Variants in PTPRM observed in about 807,000 individuals in gnomAD.
The protein encoded by PTPRM is protein tyrosine phosphatase receptor type M.
PTPRM carries 47 observed loss-of-function variants against 186.7 expected under a neutral mutation model. The ratio of observed to expected loss-of-function variants is 0.25; its 90% CI spans 0.20 to 0.32. PTPRM has a LOEUF of 0.32. Among genes scored for constraint, PTPRM ranks in the 10% least tolerant of loss-of-function variants. PTPRM has a pLI of 1.00. For synonymous variants in PTPRM, 668 were observed against 674.9 expected, an observed-to-expected ratio of 0.99 and a Z score of 0.16; for missense variants, 1,494 against 1,865.0, an observed-to-expected ratio of 0.80 and a Z score of 3.66.
chr18:7,929,528 T>C (rs527695583), intron 5 of PTPRM, among the ~76,000 whole-genome samples: 9 of 152,320 alleles, frequency 5.9e-5, no homozygotes, highest in Non-Finnish European at 1.3e-4. Context: ...ATCAGGACAC[T>C]ATTTGGTTAG....
Position 7,567,881 on chromosome 18 carries a change from G to A in PTPRM, c.63G>A (p.Glu21=). 6.4e-7 allele frequency: 1 copy of A among 1,560,556 alleles called. No individual in the cohort carries two copies. The change falls in exon 1 of 33, where the codon GAG becomes GAA. Residue 21 remains glutamate, a synonymous_variant. Transcript: ENST00000580170. The surrounding 1 kb of genome is among the most constrained non-coding windows in gnomAD (Gnocchi z 4.3). Reference sequence around the variant, plus strand: ...GACTTTTGCTAACTGCGGCGGGCGAGACGTTCTCAGGTAAGCGGGACCGCC... The same window carrying A: ...GACTTTTGCTAACTGCGGCGGGCGAAACGTTCTCAGGTAAGCGGGACCGCC... ...LAGLLLTAAG[E]TFSGGCLFDE... is the part of the protein sequence containing the mutation.
chr18:7,924,686 A>C (rs1211771487), intron 4 of PTPRM, among the ~76,000 whole-genome samples: 1 of 152,182 alleles, frequency 6.6e-6, no homozygotes, highest in Non-Finnish European at 1.5e-5. Flanking sequence ...TGAGGCAATA[A>C]CATCAAGTTC....
Position 8,170,247 on chromosome 18 carries a change from G to T in PTPRM, c.2300+26468G>T, listed in dbSNP as rs145471599. On this transcript the variant is annotated intron_variant, in intron 14 of 32. Coordinates refer to ENST00000580170, the MANE Select transcript of PTPRM (RefSeq NM_001105244.2). ...GTATTTTTCTGGTACAGCTAGGTGG[G>T]CTCTTTTAAGACAGAAGTCTTAATC... 6.3e-3 allele frequency among the ~76,000 whole-genome samples: 954 copies of T among 152,220 alleles called. 4 individuals carry two copies. The highest frequency in any genetic ancestry group is 0.027 in the Middle Eastern group (8 of 292).
chr18:8,067,355 A>G (rs377723491), intron 7 of PTPRM, among the ~76,000 whole-genome samples: 1 of 152,166 alleles, frequency 6.6e-6, no homozygotes, highest in Non-Finnish European at 1.5e-5. Flanking sequence ...AGTCTAGGGA[A>G]AAAAACCTTC....
rs531616488 is a variant in PTPRM at position 8,378,445 on chromosome 18, C to T, written c.3612+31C>T. Reference sequence around the variant, plus strand: ...TGATGCCTAAGGGAGGGGCACTGCACGGTGACTTGCTCCTCAAGAAGGATT... The same window carrying T: ...TGATGCCTAAGGGAGGGGCACTGCATGGTGACTTGCTCCTCAAGAAGGATT... On this transcript the variant is annotated intron_variant, in intron 27 of 32. Coordinates refer to ENST00000580170, the MANE Select transcript of PTPRM (RefSeq NM_001105244.2). 4.9e-5 allele frequency: 78 copies of T among 1,607,646 alleles called. 1 individual carries two copies. In the East Asian group the frequency reaches 8.9e-4, roughly 18 times the overall value.
chr18:8,243,781 A>G (rs932166099), intron 14 of PTPRM, among the ~76,000 whole-genome samples: 1 of 152,202 alleles, frequency 6.6e-6, no homozygotes, highest in Admixed American at 6.5e-5. Context: ...CTAGCTTATA[A>G]TAGGAGAAAC....
At chr18:8,366,114 G>T (rs1411489051) in intron 23 of PTPRM, among the ~76,000 whole-genome samples, 2 of 152,182 alleles carry the variant, frequency 1.3e-5, no homozygotes, top group Non-Finnish European at 2.9e-5. Context: ...TGATTCTAAT[G>T]TGCAGGCAAA....
chr18:7,594,571 A>G (rs1314086103), intron 1 of PTPRM, among the ~76,000 whole-genome samples: 2 of 152,130 alleles, frequency 1.3e-5, no homozygotes, highest in African/African-American at 4.8e-5. Context: ...TATATCGCTC[A>G]TTAGATGTTG....
At chr18:8,396,088 G>A (rs977745135) in intron 32 of PTPRM, among the ~76,000 whole-genome samples, 6 of 152,164 alleles carry the variant, frequency 3.9e-5, no homozygotes, top group African/African-American at 1.4e-4. Flanking sequence ...TGAAAGGCTG[G>A]TGTGGGGCTT....
chr18:7,716,486 T>C (rs1186362636), intron 1 of PTPRM, among the ~76,000 whole-genome samples: 1 of 152,060 alleles, frequency 6.6e-6, no homozygotes, highest in Non-Finnish European at 1.5e-5. Context: ...CATTGACAAA[T>C]GGGATCTAAT....
intron 7 of PTPRM, among the ~76,000 whole-genome samples, chr18:8,061,083 G>T (rs1186253491): frequency 3.7e-5 from 1 of 27,264 alleles, no homozygotes; most frequent in Non-Finnish European, 7.8e-5. Context: ...ATTAATGTGT[G>T]GGAGTCTAAG....
In PTPRM at chr18:7,573,183, G is replaced by A. The variant is rs571498495; in HGVS notation, c.73+5292G>A. Among the ~76,000 whole-genome samples the A allele has an allele frequency of 6.6e-5, 10 of 152,330 alleles. No individual in the cohort carries two copies. The South Asian group carries it at 2.1e-3, about 32-fold the overall frequency. Reference sequence around the variant, plus strand: ...AGTGTTGTGTACTCAGGTGTGGGATGTGACAAGCTCTAGAGATCTTAGCAA... The same window carrying A: ...AGTGTTGTGTACTCAGGTGTGGGATATGACAAGCTCTAGAGATCTTAGCAA... On this transcript the variant is annotated intron_variant, in intron 1 of 32. Coordinates refer to ENST00000580170, the MANE Select transcript of PTPRM (RefSeq NM_001105244.2).
chr18:7,793,990 C>T (rs924193871), intron 2 of PTPRM, among the ~76,000 whole-genome samples: 13 of 152,192 alleles, frequency 8.5e-5, no homozygotes, highest in African/African-American at 1.9e-4. Context: ...GCCTACGGAA[C>T]GATGCGGAGG....
intron 1 of PTPRM, among the ~76,000 whole-genome samples, chr18:7,607,785 G>C (rs563014477): frequency 6.6e-6 from 1 of 152,160 alleles, no homozygotes; most frequent in Non-Finnish European, 1.5e-5. Context: ...CTCATTCCTC[G>C]CTCTGCCTTC....
At chr18:7,900,599 G>A (rs2146490682) in intron 3 of PTPRM, among the ~76,000 whole-genome samples, 1 of 152,276 alleles carries the variant, frequency 6.6e-6, no homozygotes, top group East Asian at 1.9e-4. Context: ...TATACATATA[G>A]TGTCTCATAC....
At chr18:7,715,215 A>G (rs2040300971) in intron 1 of PTPRM, among the ~76,000 whole-genome samples, 1 of 152,256 alleles carries the variant, frequency 6.6e-6, no homozygotes, top group Non-Finnish European at 1.5e-5. Context: ...ACACGAATCA[A>G]TAAACGTAAT....
Position 8,387,164 on chromosome 18 carries a change from G to A in PTPRM, c.4137G>A (p.Lys1379=), listed in dbSNP as rs750970601. Residue 1379 remains lysine, a synonymous_variant, in exon 31 of 33, where the codon AAG becomes AAA. Coordinates refer to ENST00000580170, the MANE Select transcript of PTPRM (RefSeq NM_001105244.2). ...DTPVSKRSFL[K]LIRQVDKWQE... The stretch of plus-strand genomic sequence containing the variant: ...CAGTGTCTAAGCGCTCCTTCTTGAA[G>A]CTCATTCGCCAGGTGGACAAGTGGC... The A allele has an allele frequency of 6.2e-7, 1 of 1,613,560 alleles. No individual in the cohort carries two copies. Among genetic ancestry groups the A allele is most frequent in the Admixed American group, 1.7e-5 (1 of 60,026 alleles).
At position 8,325,235 on chromosome 18, in the gene PTPRM, G is replaced by T. The variant is rs188025876; in HGVS notation, c.2956+6021G>T. Among the ~76,000 whole-genome samples, 155 of 152,272 alleles carry T rather than the reference G, an allele frequency of 1.0e-3. 2 individuals are homozygous for T. The East Asian group carries it at 0.025, about 24-fold the overall frequency. On this transcript the variant is annotated intron_variant, in intron 22 of 32. Coordinates refer to ENST00000580170, the MANE Select transcript of PTPRM (RefSeq NM_001105244.2). Reference sequence around the variant, plus strand: ...TACAGGTAAACTGCATGTCATGAGGGTTTGGTGTACAGATTATTTTGTCAC... The same window carrying T: ...TACAGGTAAACTGCATGTCATGAGGTTTTGGTGTACAGATTATTTTGTCAC...
intron 14 of PTPRM, among the ~76,000 whole-genome samples, chr18:8,237,714 G>A (rs28619469): frequency 0.026 from 3,947 of 152,018 alleles, 74 homozygotes; most frequent in East Asian, 0.055. Context: ...CCAAAGTGCT[G>A]GGATTACAGG....
Sources: allele counts gnomAD v4.1 joint callset (sites outside exome capture counted in the v4.1 genomes callset), GRCh38; gene constraint gnomAD v4.1.1; non-coding constraint Gnocchi (gnomAD v3.1); transcripts MANE v1.5; gene names NCBI Gene and HGNC (gene_info 2026-07-23, HGNC 2026-07-21).